RIGI: variants seen among roughly 807,000 people sequenced by gnomAD.
RIGI encodes RNA sensor RIG-I.
At chr9:32,518,040 A>C in the RIGI span, among the ~76,000 whole-genome samples, 1 of 152,122 alleles carries the variant, frequency 6.6e-6, no homozygotes, top group Non-Finnish European at 1.5e-5. Flanking sequence ...AGGCAGCTCA[A>C]GATTTCTTGC....
At chr9:32,493,645 A>C in the RIGI span, 72 of 671,070 alleles carry the variant, frequency 1.1e-4, no homozygotes, top group Non-Finnish European at 1.6e-4. Flanking sequence ...GTACTATTCT[A>C]TGAGTACTTT....
At chr9:32,483,427 C>T in the RIGI span, among the ~76,000 whole-genome samples, 3 of 152,020 alleles carry the variant, frequency 2.0e-5, no homozygotes, top group Non-Finnish European at 4.4e-5. Flanking sequence ...TAACTGGATT[C>T]GGACTGGCAA....
the RIGI span, chr9:32,489,487 C>A: frequency 7.1e-7 from 1 of 1,407,330 alleles, no homozygotes; most frequent in South Asian, 1.2e-5. Flanking sequence ...CCAAACAGTT[C>A]CTGCTCTGAG....
the RIGI span, among the ~76,000 whole-genome samples, chr9:32,462,966 G>A: frequency 6.6e-6 from 1 of 152,118 alleles, no homozygotes; most frequent in Non-Finnish European, 1.5e-5. Context: ...AGACCAGCCT[G>A]GGCGACATAG....
At chr9:32,481,726 C>T in the RIGI span, among the ~76,000 whole-genome samples, 4 of 152,130 alleles carry the variant, frequency 2.6e-5, no homozygotes, top group African/African-American at 9.7e-5. Context: ...GCTGAGACTA[C>T]AGGCGTGTGC....
the RIGI span, among the ~76,000 whole-genome samples, chr9:32,520,232 G>A: frequency 6.6e-6 from 1 of 151,916 alleles, no homozygotes; most frequent in Non-Finnish European, 1.5e-5. Context: ...TCACTAGAAT[G>A]CTAGCAGATA....
the RIGI span, among the ~76,000 whole-genome samples, chr9:32,468,549 C>T: frequency 6.6e-6 from 1 of 151,998 alleles, no homozygotes; most frequent in Non-Finnish European, 1.5e-5. Context: ...ACCTGTAGCC[C>T]CAGCTACTCA....
At chr9:32,471,537 TAAG>T in the RIGI span, among the ~76,000 whole-genome samples, 1 of 152,134 alleles carries the variant, frequency 6.6e-6, no homozygotes, top group Admixed American at 6.5e-5. Flanking sequence ...AAAATATAAA[TAAG>T]AAGCTATAAT....
the RIGI span, among the ~76,000 whole-genome samples, chr9:32,486,592 T>A: frequency 1.3e-5 from 2 of 151,078 alleles, no homozygotes; most frequent in South Asian, 4.2e-4. Context: ...AGTAGTCATG[T>A]ATATTCCATC....
chr9:32,497,974 C>T, the RIGI span, among the ~76,000 whole-genome samples: 1 of 152,140 alleles, frequency 6.6e-6, no homozygotes, highest in Admixed American at 6.5e-5. Flanking sequence ...CTTATAATAT[C>T]CAGATTAATC....
chr9:32,477,204 T>A, the RIGI span: 1 of 1,541,042 alleles, frequency 6.5e-7, no homozygotes, highest in African/African-American at 1.4e-5. Flanking sequence ...CCTTTAGCTA[T>A]CGTTCAAACA....
chr9:32,510,934 G>A, the RIGI span, among the ~76,000 whole-genome samples: 5 of 151,992 alleles, frequency 3.3e-5, no homozygotes, highest in Non-Finnish European at 7.4e-5. Context: ...AGCAGGGGTT[G>A]CAATCCCAGT....
chr9:32,468,803 C>T, the RIGI span, among the ~76,000 whole-genome samples: 1 of 152,154 alleles, frequency 6.6e-6, no homozygotes, highest in Non-Finnish European at 1.5e-5. Context: ...TCTGCCTCCC[C>T]ATACACAAAC....
chr9:32,470,397 G>A, the RIGI span, among the ~76,000 whole-genome samples: 1 of 152,214 alleles, frequency 6.6e-6, no homozygotes, highest in South Asian at 2.1e-4. Context: ...TAGTTGGAAA[G>A]CAGCCACAGA....
At chr9:32,508,258 T>TTTTTTTTTTTTTTTTTTTA in the RIGI span, among the ~76,000 whole-genome samples, 2 of 137,996 alleles carry the variant, frequency 1.4e-5, no homozygotes, top group African/African-American at 5.9e-5. Context: ...TTTTTTTTTT[T>TTTTTTTTTTTTTTTTTTTA]ACTATATGAA....
chr9:32,499,311 G>GTTTTTTTTTTTTTTTTTTT, the RIGI span, among the ~76,000 whole-genome samples: 5 of 81,132 alleles, frequency 6.2e-5, no homozygotes, highest in Non-Finnish European at 9.1e-5. Flanking sequence ...CAGAGTTTGT[G>GTTTTTTTTTTTTTTTTTTT]ATTTGTTTTT....
the RIGI span, among the ~76,000 whole-genome samples, chr9:32,524,596 G>GTTTTTTTTTTTT: frequency 1.8e-3 from 125 of 67,568 alleles, 14 homozygotes; most frequent in Non-Finnish European, 2.6e-3. Flanking sequence ...TTGTTTTTCG[G>GTTTTTTTTTTTT]TTTTTTTTTT....
chr9:32,497,556 G>C, the RIGI span, among the ~76,000 whole-genome samples: 1 of 152,190 alleles, frequency 6.6e-6, no homozygotes, highest in Non-Finnish European at 1.5e-5. Flanking sequence ...GACCATCCTG[G>C]TTAACACGGT....
chr9:32,481,181 TG>T, the RIGI span, among the ~76,000 whole-genome samples: 3 of 152,222 alleles, frequency 2.0e-5, no homozygotes, highest in African/African-American at 7.2e-5. Flanking sequence ...TGATGTTGAA[TG>T]GGACAACTTT....
Sources: gnomAD v4.1 joint callset for allele counts (sites outside exome capture counted in the v4.1 genomes callset) on GRCh38, gnomAD v4.1.1 for gene constraint, MANE v1.5 for transcripts, NCBI Gene and HGNC (gene_info 2026-07-23, HGNC 2026-07-21) for gene names.